Variants in OPCML observed in about 807,000 individuals in gnomAD.
OPCML encodes the protein opioid-binding protein/cell adhesion molecule.
A neutral mutation model predicts 37.8 loss-of-function variants in OPCML; 13 were observed. The observed-to-expected ratio is 0.34, with a 90% CI of 0.22 to 0.55. The LOEUF (loss-of-function observed/expected upper bound fraction) is 0.55, where lower values mean the gene tolerates loss of function less well. Ranked by LOEUF, OPCML falls within the 20% of genes least tolerant of loss-of-function variation. OPCML has a pLI of 0.91. For missense variants in OPCML, 341 were observed against 435.6 expected, an observed-to-expected ratio of 0.78 and a Z score of 1.93; for synonymous variants, 176 against 168.8, an observed-to-expected ratio of 1.04 and a Z score of -0.33.
intron 2 of OPCML, among the ~76,000 whole-genome samples, chr11:132,838,132 C>T (rs1210508096): frequency 6.6e-6 from 1 of 152,094 alleles, no homozygotes; most frequent in African/African-American, 2.4e-5. Flanking sequence ...CTAAAATATT[C>T]TGGCTAAATG....
At chr11:133,299,070 G>A (rs1462070214) in intron 1 of OPCML, 3 of 151,992 alleles carry the variant, frequency 2.0e-5, no homozygotes, top group Non-Finnish European at 2.9e-5. Flanking sequence ...AGTAATTATA[G>A]CCTTATTCAA....
intron 4 of OPCML, among the ~76,000 whole-genome samples, chr11:132,516,610 G>C (rs77098716): frequency 1.3e-5 from 2 of 152,062 alleles, no homozygotes; most frequent in African/African-American, 4.8e-5. Flanking sequence ...GGCCAGGGTG[G>C]AGCATATCAT....
chr11:132,582,147 T>A (rs1159665653), intron 3 of OPCML, among the ~76,000 whole-genome samples: 1 of 127,910 alleles, frequency 7.8e-6, no homozygotes, highest in African/African-American at 2.8e-5. Flanking sequence ...TGTGTGTGTG[T>A]GTGAAACAGA....
At position 133,098,826 on chromosome 11, in the gene OPCML, T is replaced by C. The variant is rs994907425; in HGVS notation, c.62-155816A>G. 7.9e-5 allele frequency among the ~76,000 whole-genome samples: 12 copies of C among 152,028 alleles called. 1 individual carries two copies. The South Asian group carries it at 2.3e-3, about 29-fold the overall frequency. On this transcript the variant is annotated intron_variant, in intron 1 of 7. Coordinates refer to ENST00000524381, the MANE Select transcript of OPCML (RefSeq NM_001012393.5). The stretch of plus-strand genomic sequence containing the variant: ...GTATTGGAAATTCTAACCAACATAA[T>C]AAGAAAATAAAAGAAAATATAATGC...
chr11:133,271,685 C>T (rs1941839532), intron 1 of OPCML, among the ~76,000 whole-genome samples: 1 of 152,162 alleles, frequency 6.6e-6, no homozygotes, highest in African/African-American at 2.4e-5. Flanking sequence ...TATTCTCACC[C>T]CTATGCAATA....
chr11:133,306,676 G>A (rs1942927652), intron 1 of OPCML, among the ~76,000 whole-genome samples: 1 of 152,132 alleles, frequency 6.6e-6, no homozygotes, highest in African/African-American at 2.4e-5. Context: ...GGGCAATGTA[G>A]TCCATCTCAC....
At chr11:133,287,758 T>C (rs1017231878) in intron 1 of OPCML, among the ~76,000 whole-genome samples, 1 of 151,838 alleles carries the variant, frequency 6.6e-6, no homozygotes, top group Non-Finnish European at 1.5e-5. Context: ...GAGAGCAGTG[T>C]GAGACTCAAG....
At chr11:133,393,452 A>C (rs1945218730) in intron 1 of OPCML, among the ~76,000 whole-genome samples, 1 of 152,226 alleles carries the variant, frequency 6.6e-6, no homozygotes, top group Non-Finnish European at 1.5e-5. Flanking sequence ...CTTTCACCCC[A>C]GAGAATGCCT....
At chr11:133,082,647 C>G (rs377155260) in intron 1 of OPCML, among the ~76,000 whole-genome samples, 1 of 101,084 alleles carries the variant, frequency 9.9e-6, no homozygotes, top group East Asian at 2.9e-4. Context: ...CGTTCTGCGC[C>G]GAGTGGCACA....
At chr11:132,730,301 A>T (rs771530890) in intron 2 of OPCML, among the ~76,000 whole-genome samples, 1 of 152,140 alleles carries the variant, frequency 6.6e-6, no homozygotes, top group Non-Finnish European at 1.5e-5. Context: ...CATATACTAG[A>T]CATTCTTTAA....
intron 1 of OPCML, among the ~76,000 whole-genome samples, chr11:133,371,587 C>A (rs1944677335): frequency 6.6e-6 from 1 of 152,114 alleles, no homozygotes; most frequent in East Asian, 1.9e-4. Flanking sequence ...TGGTAGTTTA[C>A]CCTGCTCTCC....
At chr11:132,448,793 C>T (rs891520806) in intron 4 of OPCML, among the ~76,000 whole-genome samples, 14 of 152,160 alleles carry the variant, frequency 9.2e-5, no homozygotes, top group African/African-American at 2.9e-4. Flanking sequence ...ATCAGAAGAC[C>T]GAGGATCTAA....
At chr11:132,838,469 C>T (rs1941141785) in intron 2 of OPCML, among the ~76,000 whole-genome samples, 1 of 152,116 alleles carries the variant, frequency 6.6e-6, no homozygotes. Context: ...ATCCTGCCTA[C>T]AAGTAATTCA....
chr11:133,104,689 G>A (rs996402662), intron 1 of OPCML, among the ~76,000 whole-genome samples: 2 of 152,118 alleles, frequency 1.3e-5, no homozygotes, highest in African/African-American at 4.8e-5. Flanking sequence ...TGGTGAAAAG[G>A]GCCTATAAAT....
chr11:133,050,680 G>A (rs1948112572), intron 1 of OPCML, among the ~76,000 whole-genome samples: 1 of 150,792 alleles, frequency 6.6e-6, no homozygotes, highest in South Asian at 2.1e-4. Context: ...TCACATTGCA[G>A]TGTAAAACTA....
intron 3 of OPCML, among the ~76,000 whole-genome samples, chr11:132,540,278 G>A (rs1019416027): frequency 7.2e-5 from 11 of 152,072 alleles, no homozygotes; most frequent in African/African-American, 2.4e-4. Flanking sequence ...TCACTCACTC[G>A]ACCGGGGATC....
At chr11:132,810,013 C>G (rs1480656031) in intron 2 of OPCML, among the ~76,000 whole-genome samples, 1 of 151,996 alleles carries the variant, frequency 6.6e-6, no homozygotes, top group Admixed American at 6.6e-5. Context: ...CCACGCCCGG[C>G]TAATTTTTTG....
At chr11:132,823,959 A>G (rs10736605) in intron 2 of OPCML, among the ~76,000 whole-genome samples, 77,043 of 151,922 alleles carry the variant, frequency 0.51, 19,711 homozygotes, top group East Asian at 0.6. Flanking sequence ...TGCTCTGTTC[A>G]TCACTGACCT....
At chr11:133,328,916 T>C (rs1412019693) in intron 1 of OPCML, among the ~76,000 whole-genome samples, 4 of 152,172 alleles carry the variant, frequency 2.6e-5, no homozygotes, top group African/African-American at 4.8e-5. Flanking sequence ...GACGACATGA[T>C]TGTATATCTA....
Sources: allele counts gnomAD v4.1 joint callset (sites outside exome capture counted in the v4.1 genomes callset), GRCh38; gene constraint gnomAD v4.1.1; transcripts MANE v1.5; gene names NCBI Gene and HGNC (gene_info 2026-07-23, HGNC 2026-07-21).